Variants in SLC25A21 observed in about 807,000 individuals in gnomAD.
The protein encoded by SLC25A21 is mitochondrial 2-oxodicarboxylate carrier.
SLC25A21 carries 47 observed loss-of-function variants against 43.8 expected under a neutral mutation model. The ratio of observed to expected loss-of-function variants is 1.07; its 90% CI spans 0.85 to 1.37. The LOEUF (loss-of-function observed/expected upper bound fraction) is 1.37, where lower values mean the gene tolerates loss of function less well. SLC25A21 is among the 40% of genes most tolerant of loss of function. The pLI is 0.00. For missense variants in SLC25A21, 352 were observed against 350.2 expected (o/e 1.00, Z -0.04); for synonymous variants, 131 against 121.3 (o/e 1.08, Z -0.52).
intron 1 of SLC25A21, among the ~76,000 whole-genome samples, chr14:36,913,978 G>A (rs1483045282): frequency 1.3e-5 from 2 of 152,132 alleles, no homozygotes; most frequent in Non-Finnish European, 1.5e-5. Context: ...TAAGTTGTGT[G>A]ATCATAAGTC....
At chr14:36,820,928 A>T (rs1212367403) in intron 2 of SLC25A21, among the ~76,000 whole-genome samples, 1 of 152,242 alleles carries the variant, frequency 6.6e-6, no homozygotes, top group Non-Finnish European at 1.5e-5. Context: ...AACAGACTAA[A>T]GGTTTGCAAT....
At chr14:36,812,116 T>C (rs575724090) in intron 3 of SLC25A21, among the ~76,000 whole-genome samples, 14 of 152,060 alleles carry the variant, frequency 9.2e-5, no homozygotes, top group Admixed American at 6.6e-4. Flanking sequence ...GGACACAAAA[T>C]AGGCAATTCA....
intron 1 of SLC25A21, among the ~76,000 whole-genome samples, chr14:37,104,157 A>C (rs1274709430): frequency 6.6e-6 from 1 of 152,232 alleles, no homozygotes; most frequent in Non-Finnish European, 1.5e-5. Flanking sequence ...ACACTAACAT[A>C]TAATTTACTT....
intron 6 of SLC25A21, among the ~76,000 whole-genome samples, chr14:36,720,294 A>G (rs1884323695): frequency 6.6e-6 from 1 of 152,166 alleles, no homozygotes; most frequent in African/African-American, 2.4e-5. Flanking sequence ...TTCTTGCTGG[A>G]AGTTGTTAGG....
chr14:36,739,188 C>T (rs923879548), intron 3 of SLC25A21, among the ~76,000 whole-genome samples: 2 of 152,080 alleles, frequency 1.3e-5, no homozygotes, highest in African/African-American at 4.8e-5. Context: ...GGTCTCTATT[C>T]CAATTTTTAT....
intron 4 of SLC25A21, among the ~76,000 whole-genome samples, chr14:36,734,283 C>T (rs1031372410): frequency 2.0e-5 from 3 of 151,994 alleles, no homozygotes; most frequent in African/African-American, 4.8e-5. Flanking sequence ...TGAATAATTT[C>T]CCCATTAGAA....
At chr14:36,741,220 C>G (rs556004134) in intron 3 of SLC25A21, among the ~76,000 whole-genome samples, 1 of 152,078 alleles carries the variant, frequency 6.6e-6, no homozygotes, top group African/African-American at 2.4e-5. Context: ...CTCTTTCAAG[C>G]AGGCTGGGAA....
Position 36,836,077 on chromosome 14 carries a change from C to G in SLC25A21, c.120-22076G>C, listed in dbSNP as rs550759561. 7.2e-5 allele frequency among the ~76,000 whole-genome samples: 11 copies of G among 152,320 alleles called. No homozygotes were observed. The South Asian group carries it at 2.3e-3, about 32-fold the overall frequency. On this transcript the variant is annotated intron_variant, in intron 2 of 9. Coordinates refer to ENST00000331299, the MANE Select transcript of SLC25A21 (RefSeq NM_030631.4). ...CAATCTCCCTCCTGACTCCACCGTA[C>G]AGTGTGGGGCAAAGATAATTTAACA...
chr14:36,809,562 G>A (rs1218159597), intron 3 of SLC25A21, among the ~76,000 whole-genome samples: 3 of 152,136 alleles, frequency 2.0e-5, no homozygotes, highest in Admixed American at 6.5e-5. Context: ...GGACTCATGT[G>A]GTTGAGCTAT....
At chr14:37,142,782 C>T (rs1963592879) in intron 1 of SLC25A21, among the ~76,000 whole-genome samples, 1 of 152,190 alleles carries the variant, frequency 6.6e-6, no homozygotes, top group African/African-American at 2.4e-5. Context: ...GCCTGACTGT[C>T]AGAATGAATT....
chr14:36,865,294 G>A (rs909343178), intron 2 of SLC25A21, among the ~76,000 whole-genome samples: 4 of 151,980 alleles, frequency 2.6e-5, no homozygotes, highest in Admixed American at 6.6e-5. Context: ...AGTTTGTGGT[G>A]GGCTTATGCC....
chr14:37,015,313 T>C (rs1181992294), intron 1 of SLC25A21, among the ~76,000 whole-genome samples: 2 of 150,890 alleles, frequency 1.3e-5, no homozygotes, highest in South Asian at 2.1e-4. Context: ...GTCCTTGTGA[T>C]AGTTTGCTGA....
At chr14:36,798,956 G>T (rs929562111) in intron 3 of SLC25A21, among the ~76,000 whole-genome samples, 2 of 151,920 alleles carry the variant, frequency 1.3e-5, no homozygotes, top group African/African-American at 2.4e-5. Context: ...AAACAAACGA[G>T]ATTAAAATAG....
chr14:36,974,100 A>C (rs923833365), intron 1 of SLC25A21, among the ~76,000 whole-genome samples: 1 of 152,190 alleles, frequency 6.6e-6, no homozygotes, highest in Non-Finnish European at 1.5e-5. Context: ...AAATAAAAGG[A>C]CACTGGGATG....
chr14:36,934,495 C>A (rs1296207214), intron 1 of SLC25A21, among the ~76,000 whole-genome samples: 1 of 151,572 alleles, frequency 6.6e-6, no homozygotes, highest in Non-Finnish European at 1.5e-5. Context: ...AGCATGCCAT[C>A]CCTCGGGAAT....
At chr14:36,972,277 G>T (rs1445212792) in intron 1 of SLC25A21, among the ~76,000 whole-genome samples, 2 of 152,090 alleles carry the variant, frequency 1.3e-5, no homozygotes, top group Non-Finnish European at 2.9e-5. Context: ...GTGTGTATAA[G>T]GACAAAAGCA....
chr14:37,151,102 C>T (rs1236134029), intron 1 of SLC25A21, among the ~76,000 whole-genome samples: 4 of 152,200 alleles, frequency 2.6e-5, no homozygotes, highest in African/African-American at 7.2e-5. Flanking sequence ...CCAATTCTAT[C>T]GAGTTCTATT....
intron 1 of SLC25A21, among the ~76,000 whole-genome samples, chr14:37,003,619 A>T (rs951761337): frequency 6.6e-6 from 1 of 152,216 alleles, no homozygotes; most frequent in Non-Finnish European, 1.5e-5. Flanking sequence ...GCATGGATTA[A>T]TTTCATAGAC....
Position 36,916,139 on chromosome 14 carries a change from T to G in SLC25A21, c.71-41135A>C, listed in dbSNP as rs1253755956. ...CAACAGCAACAACTGATTAAAGCAT[T>G]TCCTAGATTCTCAGCAACTTAAGAA... is the stretch of plus-strand genomic sequence containing the variant. On this transcript the variant is annotated intron_variant, in intron 1 of 9. Coordinates refer to ENST00000331299, the MANE Select transcript of SLC25A21 (RefSeq NM_030631.4). Among the ~76,000 whole-genome samples the G allele has an allele frequency of 3.9e-5, 6 of 152,202 alleles. No homozygotes were observed. The East Asian group carries it at 1.2e-3, about 29-fold the overall frequency.
Sources: gnomAD v4.1 joint callset for allele counts (sites outside exome capture counted in the v4.1 genomes callset) on GRCh38, gnomAD v4.1.1 for gene constraint, MANE v1.5 for transcripts, NCBI Gene and HGNC (gene_info 2026-07-23, HGNC 2026-07-21) for gene names.